Variants in GRHL2 observed in about 807,000 individuals in gnomAD.
GRHL2 encodes grainyhead like transcription factor 2.
GRHL2 carries 21 observed loss-of-function variants against 83.8 expected under a neutral mutation model. The observed-to-expected ratio is 0.25, with a 90% CI of 0.18 to 0.36. GRHL2 has a LOEUF of 0.36. Ranked by LOEUF, GRHL2 falls within the 10% of genes least tolerant of loss-of-function variation. The probability of loss-of-function intolerance (pLI) is 1.00; values close to 1 mark genes in which losing one functional copy is unlikely to be tolerated. For synonymous variants in GRHL2, 280 were observed against 278.9 expected, an observed-to-expected ratio of 1.00 and a Z score of -0.04; for missense variants, 623 against 781.8, an observed-to-expected ratio of 0.80 and a Z score of 2.42.
chr8:101,638,979 G>T (rs971355498), intron 12 of GRHL2, among the ~76,000 whole-genome samples: 1 of 151,910 alleles, frequency 6.6e-6, no homozygotes, highest in Non-Finnish European at 1.5e-5. Flanking sequence ...AGCATCTTGC[G>T]TAAGATCTCG....
intron 9 of GRHL2, 107 bp from the exon 10 acceptor site, chr8:101,631,530 C>T (rs867906167): frequency 5.5e-6 from 5 of 916,812 alleles, no homozygotes; most frequent in Non-Finnish European, 8.7e-6. Flanking sequence ...TGCTTGGTTA[C>T]CTCCTCCCCT....
chr8:101,662,214 G>A (rs1162312424), intron 14 of GRHL2, among the ~76,000 whole-genome samples: 1 of 152,178 alleles, frequency 6.6e-6, no homozygotes, highest in Non-Finnish European at 1.5e-5. Context: ...TTTCTTTGCA[G>A]TTCAAAGGCC....
At chr8:101,631,491 C>T (rs774381126) in intron 9 of GRHL2, 146 bp from the exon 10 acceptor site, 1 of 718,270 alleles carries the variant, frequency 1.4e-6, no homozygotes, top group Non-Finnish European at 2.5e-6. Flanking sequence ...GAGCCAAACC[C>T]AACCTTGCCA....
At chr8:101,671,009 A>C (rs1384376300), downstream of GRHL2, among the ~76,000 whole-genome samples, 1 of 152,142 alleles carries the variant, frequency 6.6e-6, no homozygotes, top group Non-Finnish European at 1.5e-5. Flanking sequence ...AAGAAAGAGG[A>C]AGAGGATGGT....
intron 7 of GRHL2, among the ~76,000 whole-genome samples, chr8:101,588,233 G>T (rs1812207501): frequency 6.6e-6 from 1 of 152,160 alleles, no homozygotes; most frequent in Admixed American, 6.5e-5. Flanking sequence ...TCCAAAGGTT[G>T]CTGTGGACTC....
rs575184688 is a variant in GRHL2, at chr8:101,669,514, G to C, written c.*2811G>C. 6.6e-6 allele frequency: 1 copy of C among 152,158 alleles called. No individual in the cohort carries two copies. Among genetic ancestry groups the C allele is most frequent in the African/African-American group, 2.4e-5 (1 of 41,428 alleles). The allele number at this position is 152,158 out of a possible 1,614,324, so 9.4% of individuals were successfully genotyped here. ...CAAATGCAACAGAAATAGAGGGTTT[G>C]TGCCAAATGCTATGAACGGCCCTTT... On this transcript the variant is annotated 3_prime_UTR_variant, in exon 16 of 16. Transcript: ENST00000646743.
At position 101,580,003 on chromosome 8, in the gene GRHL2, A is replaced by T. The variant is rs539316418; in HGVS notation, c.1003+2484A>T. ...TTATTTAATGCATTTCTTTTTTGAAACCCCCGTGAAACTGGAGGTTAAACT... is the reference window on the plus strand; with the variant it reads ...TTATTTAATGCATTTCTTTTTTGAATCCCCCGTGAAACTGGAGGTTAAACT... On this transcript the variant is annotated intron_variant, in intron 7 of 15. Coordinates refer to ENST00000646743, the MANE Select transcript of GRHL2 (RefSeq NM_024915.4). 1.8e-3 allele frequency among the ~76,000 whole-genome samples: 272 copies of T among 152,202 alleles called. 4 individuals carry two copies. The highest frequency in any genetic ancestry group is 6.0e-3 in the African/African-American group (251 of 41,528).
intron 14 of GRHL2, among the ~76,000 whole-genome samples, chr8:101,657,834 A>C (rs1473577924): frequency 6.6e-6 from 1 of 151,548 alleles, no homozygotes; most frequent in Non-Finnish European, 1.5e-5. Context: ...AGCGAAACAA[A>C]AAAAAAAAAG....
chr8:101,594,679 T>C (rs1812355853), intron 7 of GRHL2, among the ~76,000 whole-genome samples: 1 of 152,204 alleles, frequency 6.6e-6, no homozygotes, highest in African/African-American at 2.4e-5. Context: ...TGAGCAGACA[T>C]TTCTTGTATG....
intron 7 of GRHL2, among the ~76,000 whole-genome samples, chr8:101,581,425 T>A (rs567166050): frequency 6.6e-6 from 1 of 152,330 alleles, no homozygotes; most frequent in African/African-American, 2.4e-5. Context: ...TCTTGTGAGC[T>A]CCTTGAATAA....
chr8:101,552,575 A>G, intron 2 of GRHL2, 140 bp from the exon 3 acceptor site: 1 of 751,750 alleles, frequency 1.3e-6, no homozygotes, highest in Non-Finnish European at 2.4e-6. Context: ...AGCCTTTATC[A>G]TCTCCTGGTG....
At chr8:101,607,134 T>C (rs1315188154) in intron 8 of GRHL2, among the ~76,000 whole-genome samples, 4 of 152,230 alleles carry the variant, frequency 2.6e-5, no homozygotes, top group Non-Finnish European at 5.9e-5. Flanking sequence ...CCGGTTCTTT[T>C]TGGTCTAAAC....
At chr8:101,645,809 A>C (rs1741772792) in intron 13 of GRHL2, among the ~76,000 whole-genome samples, 1 of 152,254 alleles carries the variant, frequency 6.6e-6, no homozygotes, top group African/African-American at 2.4e-5. Context: ...TTAGTGCTTC[A>C]GAATGGAAAC....
chr8:101,502,126 G>T (rs642074), intron 1 of GRHL2, among the ~76,000 whole-genome samples: 72,533 of 151,970 alleles, frequency 0.48, 21,075 homozygotes, highest in Non-Finnish European at 0.65. Flanking sequence ...AGGAACAAAG[G>T]TAGCTTTTGC....
At chr8:101,567,457 T>A (rs1328106440) in intron 4 of GRHL2, among the ~76,000 whole-genome samples, 1 of 152,236 alleles carries the variant, frequency 6.6e-6, no homozygotes, top group African/African-American at 2.4e-5. Context: ...CTTACAGCCA[T>A]GTAACCCATC....
At chr8:101,604,683 A>C (rs1812594528) in intron 8 of GRHL2, among the ~76,000 whole-genome samples, 1 of 152,166 alleles carries the variant, frequency 6.6e-6, no homozygotes, top group Non-Finnish European at 1.5e-5. Context: ...AGATTAAAAA[A>C]AGCCTTCTTT....
At chr8:101,677,735 G>C in the GRHL2 span, among the ~76,000 whole-genome samples, 1 of 152,000 alleles carries the variant, frequency 6.6e-6, no homozygotes, top group African/African-American at 2.4e-5. Context: ...AATAAGGCTG[G>C]GATGCTCTCA....
chr8:101,671,587 C>T (rs1223624884), downstream of GRHL2, among the ~76,000 whole-genome samples: 1 of 152,218 alleles, frequency 6.6e-6, no homozygotes, highest in Non-Finnish European at 1.5e-5. Flanking sequence ...GCCTGCCTGC[C>T]TCTGTAGGCT....
At chr8:101,522,861 CCTT>C (rs909938157) in intron 1 of GRHL2, among the ~76,000 whole-genome samples, 3 of 150,378 alleles carry the variant, frequency 2.0e-5, no homozygotes, top group African/African-American at 7.3e-5. Flanking sequence ...TCTAAATAGG[CCTT>C]CTGTTCATAT....
Sources: allele counts gnomAD v4.1 joint callset (sites outside exome capture counted in the v4.1 genomes callset), GRCh38; gene constraint gnomAD v4.1.1; transcripts MANE v1.5; gene names NCBI Gene and HGNC (gene_info 2026-07-23, HGNC 2026-07-21).